TOPBP1: variants seen among roughly 807,000 people sequenced by gnomAD.
TOPBP1 encodes the protein DNA topoisomerase II binding protein 1.
Under a neutral mutation model 167.7 loss-of-function variants are expected in TOPBP1, and 28 were observed. The observed-to-expected ratio is 0.17, with a 90% CI of 0.12 to 0.23. The LOEUF is 0.23. TOPBP1 is among the 10% of genes least tolerant of loss of function. The pLI is 1.00. For synonymous variants in TOPBP1, 598 were observed against 611.4 expected (o/e 0.98, Z 0.32); for missense variants, 1,554 against 1,809.6 (o/e 0.86, Z 2.56).
intron 5 of TOPBP1, among the ~76,000 whole-genome samples, chr3:133,656,284 C>T (rs1936477155): frequency 6.6e-6 from 1 of 151,892 alleles, no homozygotes; most frequent in African/African-American, 2.4e-5. Context: ...TTACATATGC[C>T]ATCTTTTGGA....
At chr3:133,644,777 A>G (rs1368182582) in intron 10 of TOPBP1, among the ~76,000 whole-genome samples, 1 of 152,244 alleles carries the variant, frequency 6.6e-6, no homozygotes, top group African/African-American at 2.4e-5. Flanking sequence ...TAACATGGAA[A>G]TAACTATAAG....
rs1415018285 is a variant in TOPBP1 at position 133,628,234 on chromosome 3, T to G, written c.2804+128A>C. 7.2e-6 allele frequency: 6 copies of G among 831,094 alleles called. No individual in the cohort carries two copies. The East Asian group carries it at 1.6e-4, about 22-fold the overall frequency. The allele number at this position is 831,094 out of a possible 1,614,324, so 51.5% of individuals were successfully genotyped here. A position where few individuals can be genotyped will look rare whatever the true frequency, so the allele number is the denominator to read the frequency against. ...CAGATGTGGTAAATTAAAAATCAAC[T>G]GGAGAGATTTTGTAGATAAAGATGC... On this transcript the variant is annotated intron_variant, in intron 16 of 27. Transcript: ENST00000260810.
intron 16 of TOPBP1, among the ~76,000 whole-genome samples, chr3:133,625,330 T>C (rs901337344): frequency 2.6e-5 from 4 of 152,222 alleles, no homozygotes; most frequent in Non-Finnish European, 4.4e-5. Context: ...AAAAATTATA[T>C]TTCTAAATAC....
At chr3:133,641,948 T>A (rs1230992167) in intron 12 of TOPBP1, among the ~76,000 whole-genome samples, 1 of 152,138 alleles carries the variant, frequency 6.6e-6, no homozygotes, top group Non-Finnish European at 1.5e-5. Context: ...CTCTCCAACA[T>A]GCCATATAAA....
Position 133,661,410 on chromosome 3 carries a change from G to A in TOPBP1, c.-7-276C>T, listed in dbSNP as rs113498430. ...TGCTATGAAGGCTCTAAGCCCTTTA[G>A]GCCAATGGACATTCAATTGCACTTG... On this transcript the variant is annotated intron_variant, in intron 1 of 27. Coordinates refer to ENST00000260810, the MANE Select transcript of TOPBP1 (RefSeq NM_007027.4). Among the ~76,000 whole-genome samples the A allele has an allele frequency of 2.0e-4, 31 of 152,310 alleles. 1 individual carries two copies. The highest frequency in any genetic ancestry group is 7.2e-4 in the African/African-American group (30 of 41,562).
intron 14 of TOPBP1, among the ~76,000 whole-genome samples, chr3:133,630,214 A>G (rs560615963): frequency 2.0e-5 from 3 of 150,782 alleles, no homozygotes; most frequent in Admixed American, 6.6e-5. Context: ...ATTCATTTGT[A>G]TGAATTTATA....
intron 7 of TOPBP1, 86 bp downstream of exon 7, chr3:133,653,259 A>G (rs1174044402): frequency 1.4e-5 from 17 of 1,245,246 alleles, no homozygotes; most frequent in Non-Finnish European, 1.8e-5. Flanking sequence ...GAAATTCCCT[A>G]TCTCAGTGAT....
chr3:133,639,772 TAGAA>T (rs2107809245), intron 13 of TOPBP1, among the ~76,000 whole-genome samples, 183 bp downstream of exon 13: 1 of 152,120 alleles, frequency 6.6e-6, no homozygotes, highest in African/African-American at 2.4e-5. Context: ...CTATGAGCCA[TAGAA>T]AGAATCAACA....
At position 133,652,601 on chromosome 3, in the gene TOPBP1, A is replaced by C. The variant is rs374608589; in HGVS notation, c.951T>G (p.Ile317Met). 21 of 1,610,568 alleles carry C rather than the reference A, an allele frequency of 1.3e-5. No homozygotes were observed. Among genetic ancestry groups the C allele is most frequent in the Admixed American group, 6.7e-5 (4 of 59,476 alleles). Residue 317 changes from isoleucine (I) to methionine (M), a missense_variant, in exon 8 of 28, where the codon ATT becomes ATG. This residue lies in a region of TOPBP1 where 1,197 missense variants were observed against 1,351.5 expected (regional missense o/e 0.89). Coordinates refer to ENST00000260810, the MANE Select transcript of TOPBP1 (RefSeq NM_007027.4). ...DSRTLSDVSNISNINASCVSE... is the reference protein window; with the variant it reads ...DSRTLSDVSNMSNINASCVSE... ...TTACGCAACTTGCATTTATGTTGGA[A>C]ATATTGCTGACATCTGAAAGAGTAC...
At chr3:133,637,784 T>C (rs1935727781) in intron 14 of TOPBP1, 92 bp downstream of exon 14, 2 of 1,346,860 alleles carry the variant, frequency 1.5e-6, no homozygotes, top group Non-Finnish European at 2.0e-6. Context: ...GGAAAATTTA[T>C]TACTACACTT....
At chr3:133,625,547 CA>C (rs1256972005) in intron 16 of TOPBP1, among the ~76,000 whole-genome samples, 1 of 151,956 alleles carries the variant, frequency 6.6e-6, no homozygotes, top group East Asian at 1.9e-4. Flanking sequence ...AGTCGACCAA[CA>C]TGGAGAAACC....
chr3:133,617,315 G>A lies in TOPBP1; in HGVS notation c.3604C>T (p.Pro1202Ser), dbSNP rs1186833418. The change falls in exon 22 of 28, where the codon CCT (proline) becomes TCT (serine). Residue 1202 changes from proline to serine, a missense_variant. Physicochemically the swap from Pro to Ser is moderately conservative, Grantham distance 74. Transcript: ENST00000260810. The part of the protein sequence containing the change: ...SEIAKQAVCD[P>S]GNIRVTEAPK... The stretch of plus-strand genomic sequence containing the variant: ...GCTTCAGTCACACGTATGTTTCCAG[G>A]ATCACAGACAGCTGAGGACAATAAA... 3 of 1,610,142 alleles carry A rather than the reference G, an allele frequency of 1.9e-6. No individual in the cohort carries two copies. Among genetic ancestry groups the A allele is most frequent in the Non-Finnish European group, 1.7e-6 (2 of 1,178,538 alleles).
chr3:133,636,981 A>C (rs1935699041), intron 14 of TOPBP1, among the ~76,000 whole-genome samples: 1 of 152,142 alleles, frequency 6.6e-6, no homozygotes, highest in Non-Finnish European at 1.5e-5. Context: ...GCGTCACTGG[A>C]ATTCTGACCA....
intron 10 of TOPBP1, among the ~76,000 whole-genome samples, chr3:133,648,783 A>G (rs1559829375): frequency 6.6e-6 from 1 of 151,874 alleles, no homozygotes; most frequent in Admixed American, 6.6e-5. Context: ...GCGCAACAAG[A>G]GCGAAATCCT....
chr3:133,639,736 T>C (rs544333049), intron 13 of TOPBP1, among the ~76,000 whole-genome samples: 5 of 151,942 alleles, frequency 3.3e-5, no homozygotes, highest in South Asian at 2.1e-4. Flanking sequence ...AGAGGAGAGA[T>C]AGCATGTTAA....
intron 27 of TOPBP1, among the ~76,000 whole-genome samples, chr3:133,603,994 G>T (rs1337499143): frequency 6.6e-6 from 1 of 151,280 alleles, no homozygotes; most frequent in Non-Finnish European, 1.5e-5. Flanking sequence ...TGATTACAAT[G>T]GAATTCAATG....
chr3:133,635,126 T>C (rs1027496322), intron 14 of TOPBP1, among the ~76,000 whole-genome samples: 1 of 152,190 alleles, frequency 6.6e-6, no homozygotes, highest in African/African-American at 2.4e-5. Context: ...AGCTAATTTT[T>C]CCAACTTTTT....
intron 14 of TOPBP1, among the ~76,000 whole-genome samples, chr3:133,635,617 G>A (rs1431080266): frequency 2.0e-5 from 3 of 152,160 alleles, no homozygotes; most frequent in African/African-American, 7.2e-5. Flanking sequence ...AGTAAAAAGT[G>A]AAATAAAACA....
At chr3:133,651,582 A>T (rs1335736492) in intron 8 of TOPBP1, among the ~76,000 whole-genome samples, 1 of 152,230 alleles carries the variant, frequency 6.6e-6, no homozygotes, top group African/African-American at 2.4e-5. Context: ...ATAGGAATAC[A>T]TTAAGTATTC....
Sources: allele counts gnomAD v4.1 joint callset (sites outside exome capture counted in the v4.1 genomes callset), GRCh38; gene constraint gnomAD v4.1.1; regional missense constraint gnomAD v4.1.1; transcripts MANE v1.5; gene names NCBI Gene and HGNC (gene_info 2026-07-23, HGNC 2026-07-21).